The following PTPRD variants were observed in gnomAD, a reference collection of about 807,000 sequenced individuals.
PTPRD encodes the protein protein tyrosine phosphatase receptor type D.
Under a neutral mutation model 214.5 loss-of-function variants are expected in PTPRD, and 34 were observed. That is an observed-to-expected ratio of 0.16 (90% CI 0.12 to 0.21). The LOEUF (loss-of-function observed/expected upper bound fraction) is 0.21. Ranked by LOEUF, PTPRD falls within the 10% of genes least tolerant of loss-of-function variation. PTPRD has a pLI of 1.00. For missense variants in PTPRD, 2,545 were observed against 2,398.7 expected (o/e 1.06, Z -1.27); for synonymous variants, 1,128 against 845.7 (o/e 1.33, Z -5.79).
intron 5 of PTPRD, among the ~76,000 whole-genome samples, chr9:9,876,931 T>C (rs1237285613): frequency 1.3e-5 from 2 of 152,216 alleles, no homozygotes; most frequent in South Asian, 2.1e-4. Context: ...TTAAATAGAC[T>C]AATTTTATTT....
intron 2 of PTPRD, among the ~76,000 whole-genome samples, chr9:10,438,264 C>A (rs977709952): frequency 6.6e-6 from 1 of 151,348 alleles, no homozygotes; most frequent in Non-Finnish European, 1.5e-5. Context: ...TGGAGGTAAC[C>A]TCATCGTGTG....
intron 4 of PTPRD, among the ~76,000 whole-genome samples, chr9:10,003,079 A>G (rs2096372405): frequency 1.3e-5 from 2 of 151,896 alleles, no homozygotes; most frequent in South Asian, 4.1e-4. Flanking sequence ...AGGCACTATG[A>G]AAGAGGTGAC....
chr9:8,845,319 T>C (rs1239190691), intron 11 of PTPRD, among the ~76,000 whole-genome samples: 2 of 152,238 alleles, frequency 1.3e-5, no homozygotes, highest in African/African-American at 2.4e-5. Context: ...CTTCAGTCAG[T>C]GTCCTATAAA....
rs200189888 is a variant in PTPRD at position 9,265,432 on chromosome 9, G to GT, written c.-202-82070dup. Among the ~76,000 whole-genome samples, 321 of 150,750 alleles carry GT rather than the reference G, an allele frequency of 2.1e-3. 2 individuals are homozygous for GT. The highest frequency in any genetic ancestry group is 7.1e-3 in the African/African-American group (291 of 41,188). Reference sequence around the variant, plus strand: ...CCACACCTAGCGTTTTTTTGTTTTTGTTTTTTTTGTAGATATGGGTCTTGC... The same window carrying GT: ...CCACACCTAGCGTTTTTTTGTTTTTGTTTTTTTTTGTAGATATGGGTCTTGC... On this transcript the variant is annotated intron_variant, in intron 9 of 45. Transcript: ENST00000381196.
At chr9:9,732,387 C>T (rs1016752427) in intron 7 of PTPRD, among the ~76,000 whole-genome samples, 3 of 151,900 alleles carry the variant, frequency 2.0e-5, no homozygotes, top group African/African-American at 7.3e-5. Flanking sequence ...TTTTAGAATC[C>T]ATCACCTGGT....
chr9:10,056,322 A>T (rs1388083252), intron 3 of PTPRD, among the ~76,000 whole-genome samples: 1 of 147,402 alleles, frequency 6.8e-6, no homozygotes, highest in Non-Finnish European at 1.5e-5. Flanking sequence ...CTCCATCTCA[A>T]AAAAAAAAAA....
At chr9:10,606,437 T>C (rs1237971924) in intron 2 of PTPRD, among the ~76,000 whole-genome samples, 1 of 151,838 alleles carries the variant, frequency 6.6e-6, no homozygotes, top group African/African-American at 2.4e-5. Context: ...CTTATGTGAG[T>C]ATTTTTCCTA....
intron 3 of PTPRD, among the ~76,000 whole-genome samples, chr9:10,278,073 T>C (rs1223251271): frequency 1.3e-5 from 2 of 151,708 alleles, no homozygotes; most frequent in African/African-American, 2.4e-5. Context: ...GGCAGGAGAA[T>C]GGCGTGAACT....
At chr9:9,370,910 A>G (rs1417814408) in intron 9 of PTPRD, among the ~76,000 whole-genome samples, 12 of 152,160 alleles carry the variant, frequency 7.9e-5, no homozygotes, top group Non-Finnish European at 1.6e-4. Flanking sequence ...ATGCTGGATT[A>G]CATTTATTGA....
intron 3 of PTPRD, among the ~76,000 whole-genome samples, chr9:10,196,180 T>C (rs1002915828): frequency 2.6e-5 from 4 of 152,202 alleles, no homozygotes; most frequent in Non-Finnish European, 5.9e-5. Flanking sequence ...AATGGTTTAA[T>C]AATATGACAT....
intron 4 of PTPRD, among the ~76,000 whole-genome samples, chr9:9,987,308 T>G (rs368602335): frequency 5.9e-5 from 9 of 152,238 alleles, no homozygotes; most frequent in African/African-American, 2.2e-4. Flanking sequence ...TGTTGTCCAT[T>G]TTCACACTGC....
At chr9:9,857,419 T>A (rs10978037) in intron 5 of PTPRD, among the ~76,000 whole-genome samples, 19,952 of 152,218 alleles carry the variant, frequency 0.13, 1,677 homozygotes, top group Non-Finnish European at 0.18. Context: ...TGAATAAATG[T>A]GCAGTATCTC....
intron 39 of PTPRD, among the ~76,000 whole-genome samples, chr9:8,350,199 T>C (rs544734318): frequency 1.3e-5 from 2 of 152,306 alleles, no homozygotes; most frequent in African/African-American, 4.8e-5. Flanking sequence ...GGGACTGTTT[T>C]ATGCTAAAGT....
At chr9:9,493,806 A>AAAAG (rs2096040660) in intron 8 of PTPRD, among the ~76,000 whole-genome samples, 1 of 143,766 alleles carries the variant, frequency 7.0e-6, no homozygotes, top group African/African-American at 2.5e-5. Context: ...AAAAAAAAAA[A>AAAAG]AAAAGAAAAG....
chr9:9,007,999 T>A (rs987404402), intron 11 of PTPRD, among the ~76,000 whole-genome samples: 14 of 21,234 alleles, frequency 6.6e-4, no homozygotes, highest in African/African-American at 1.2e-3. Context: ...TGTATACATG[T>A]GCCGTGCTGG....
At chr9:9,316,101 G>A (rs1176553087) in intron 9 of PTPRD, among the ~76,000 whole-genome samples, 4 of 151,784 alleles carry the variant, frequency 2.6e-5, no homozygotes, top group Non-Finnish European at 5.9e-5. Context: ...AGTCAATTAG[G>A]ATGTGCTTGC....
chr9:8,651,722 G>A (rs184562890), intron 12 of PTPRD, among the ~76,000 whole-genome samples: 4 of 152,070 alleles, frequency 2.6e-5, no homozygotes, highest in African/African-American at 4.8e-5. Flanking sequence ...GGGAAGGGCC[G>A]TTTTTTCTCC....
intron 3 of PTPRD, among the ~76,000 whole-genome samples, chr9:10,225,042 C>G (rs1256919097): frequency 1.3e-5 from 2 of 151,968 alleles, no homozygotes; most frequent in African/African-American, 4.8e-5. Context: ...ACATAGATTT[C>G]TGACTGTGTG....
intron 9 of PTPRD, among the ~76,000 whole-genome samples, chr9:9,265,404 C>A (rs1411088707): frequency 1.3e-5 from 2 of 151,420 alleles, no homozygotes; most frequent in Non-Finnish European, 3.0e-5. Flanking sequence ...CAGGCACATA[C>A]CACCACACCT....
Sources: gnomAD v4.1 joint callset for allele counts (sites outside exome capture counted in the v4.1 genomes callset) on GRCh38, gnomAD v4.1.1 for gene constraint, MANE v1.5 for transcripts, NCBI Gene and HGNC (gene_info 2026-07-23, HGNC 2026-07-21) for gene names.